Variants in RBFOX1 observed in about 807,000 individuals in gnomAD.
RBFOX1 encodes the protein RNA binding protein fox-1 homolog 1.
RBFOX1 carries 8 observed loss-of-function variants against 57.7 expected under a neutral mutation model. The ratio of observed to expected loss-of-function variants is 0.14; its 90% confidence interval spans 0.08 to 0.25. RBFOX1 has a LOEUF of 0.25. Among genes scored for constraint, RBFOX1 ranks in the 10% least tolerant of loss-of-function variants. The pLI, the probability that RBFOX1 is intolerant of heterozygous loss-of-function variation, is 1.00. For synonymous variants in RBFOX1, 326 were observed against 222.4 expected, an observed-to-expected ratio of 1.47 and a Z score of -4.15; for missense variants, 611 against 548.5, an observed-to-expected ratio of 1.11 and a Z score of -1.14.
rs574069095 is a variant in RBFOX1 at position 7,691,702 on chromosome 16, T to C, written c.995+14864T>C. 4.8e-4 allele frequency among the ~76,000 whole-genome samples: 73 copies of C among 152,286 alleles called. No individual in the cohort carries two copies. The East Asian group carries it at 0.011, about 23-fold the overall frequency. ...ATCTGTTTTTGTCTCCAAGTGGCTT[T>C]CCTGATGTCTAGCACATTGGACAGT... On this transcript the variant is annotated intron_variant, in intron 14 of 15. Coordinates refer to ENST00000550418, the MANE Select transcript of RBFOX1 (RefSeq NM_018723.4).
intron 3 of RBFOX1, among the ~76,000 whole-genome samples, chr16:7,005,306 T>G (rs1219510597): frequency 6.6e-6 from 1 of 152,182 alleles, no homozygotes; most frequent in Non-Finnish European, 1.5e-5. Flanking sequence ...GTCATCTTCC[T>G]CCCTTTCAAT....
Position 6,495,919 on chromosome 16 carries a change from C to G in RBFOX1, c.-63-158684C>G, listed in dbSNP as rs1190924833. ...ATTGTTTGGCTGCTTTACATTAATC[C>G]TTGAGCTTTTCGTTCCTCCAAAGGC... On this transcript the variant is annotated intron_variant, in intron 2 of 15. Coordinates refer to ENST00000550418, the MANE Select transcript of RBFOX1 (RefSeq NM_018723.4). Among the ~76,000 whole-genome samples, 4 of 152,184 alleles carry G rather than the reference C, an allele frequency of 2.6e-5. No homozygotes were observed. The East Asian group carries it at 7.7e-4, about 29-fold the overall frequency.
chr16:6,874,897 A>G (rs2061561796), intron 3 of RBFOX1, among the ~76,000 whole-genome samples: 1 of 152,200 alleles, frequency 6.6e-6, no homozygotes, highest in African/African-American at 2.4e-5. Flanking sequence ...CTGTTCCCAC[A>G]AAACTATTGA....
intron 1 of RBFOX1, among the ~76,000 whole-genome samples, chr16:5,328,726 C>T (rs2064658496): frequency 6.6e-6 from 1 of 152,200 alleles, no homozygotes; most frequent in South Asian, 2.1e-4. Context: ...TTAAGCCCAC[C>T]CCCTGGACAC....
intron 11 of RBFOX1, among the ~76,000 whole-genome samples, chr16:7,649,024 C>A (rs375582566): frequency 6.6e-6 from 1 of 152,070 alleles, no homozygotes; most frequent in Non-Finnish European, 1.5e-5. Flanking sequence ...GGTTCCTATC[C>A]AGACCCTAAG....
intron 2 of RBFOX1, among the ~76,000 whole-genome samples, chr16:6,392,028 C>A (rs1026942337): frequency 2.0e-5 from 3 of 152,096 alleles, no homozygotes; most frequent in Non-Finnish European, 4.4e-5. Flanking sequence ...AGCTCAGGTT[C>A]CTGGTCTATA....
chr16:5,600,287 A>C (rs1346992368), downstream of RBFOX1: 2 of 151,488 alleles, frequency 1.3e-5, no homozygotes, highest in African/African-American at 2.4e-5. Flanking sequence ...GACGAGAGCG[A>C]GACTCCGTCT....
At chr16:6,776,084 G>C (rs1244967108) in intron 3 of RBFOX1, 1 of 152,218 alleles carries the variant, frequency 6.6e-6, no homozygotes, top group African/African-American at 2.4e-5. Flanking sequence ...AGGAAATAAA[G>C]AAAGGGAGAG....
At chr16:5,822,502 G>A (rs1039243335) in intron 3 of RBFOX1, among the ~76,000 whole-genome samples, 2 of 150,384 alleles carry the variant, frequency 1.3e-5, no homozygotes, top group African/African-American at 4.9e-5. Context: ...ACTAATAATA[G>A]TAATAAATAA....
intron 4 of RBFOX1, among the ~76,000 whole-genome samples, chr16:6,001,612 A>G (rs1348818780): frequency 6.6e-6 from 1 of 152,246 alleles, no homozygotes; most frequent in East Asian, 1.9e-4. Context: ...AGACAAGATT[A>G]TTAACCTTAG....
intron 4 of RBFOX1, among the ~76,000 whole-genome samples, chr16:7,332,423 G>A (rs945991108): frequency 6.6e-5 from 10 of 152,152 alleles, no homozygotes; most frequent in Admixed American, 4.6e-4. Flanking sequence ...GAGAGAGAGC[G>A]GGAGGAAAAC....
chr16:7,461,001 G>T (rs1277194745), intron 4 of RBFOX1, among the ~76,000 whole-genome samples: 1 of 152,124 alleles, frequency 6.6e-6, no homozygotes, highest in Non-Finnish European at 1.5e-5. Context: ...CGACTCCCTT[G>T]AAGGACAAGG....
intron 3 of RBFOX1, among the ~76,000 whole-genome samples, chr16:5,786,015 C>G (rs554054944): frequency 5.9e-5 from 9 of 152,298 alleles, no homozygotes; most frequent in South Asian, 2.1e-4. Flanking sequence ...ACCACCAGAG[C>G]TTTCCTTTCA....
At chr16:6,617,443 C>G (rs1258989690) in intron 2 of RBFOX1, among the ~76,000 whole-genome samples, 3 of 151,922 alleles carry the variant, frequency 2.0e-5, no homozygotes, top group Non-Finnish European at 4.4e-5. Context: ...TAGTTTGGGT[C>G]TGACTCTCCA....
At chr16:6,045,341 T>A (rs554168466) in intron 1 of RBFOX1, among the ~76,000 whole-genome samples, 1 of 152,326 alleles carries the variant, frequency 6.6e-6, no homozygotes, top group Admixed American at 6.5e-5. Context: ...GTTTGGTGAT[T>A]TGAATCATGA....
At chr16:6,276,057 T>A (rs147281144) in intron 1 of RBFOX1, among the ~76,000 whole-genome samples, 292 of 152,336 alleles carry the variant, frequency 1.9e-3, no homozygotes, top group African/African-American at 6.6e-3. Flanking sequence ...TCTTCTCTCA[T>A]TGGAGGGGAT....
At chr16:6,795,557 C>A (rs1310683878) in intron 3 of RBFOX1, among the ~76,000 whole-genome samples, 2 of 151,942 alleles carry the variant, frequency 1.3e-5, no homozygotes, top group African/African-American at 4.8e-5. Context: ...CACGAGGTCA[C>A]AAGTTCAAGA....
At chr16:5,506,370 G>A (rs1391482684) in intron 2 of RBFOX1, among the ~76,000 whole-genome samples, 2 of 152,124 alleles carry the variant, frequency 1.3e-5, no homozygotes, top group East Asian at 3.9e-4. Flanking sequence ...CTCCCTCTCT[G>A]TCCTTCTCTG....
At chr16:6,701,910 G>T (rs2061912034) in intron 3 of RBFOX1, among the ~76,000 whole-genome samples, 1 of 152,060 alleles carries the variant, frequency 6.6e-6, no homozygotes, top group Non-Finnish European at 1.5e-5. Flanking sequence ...AGTACACACG[G>T]ACACAAAGGG....
Sources: gnomAD v4.1 joint callset for allele counts (sites outside exome capture counted in the v4.1 genomes callset) on GRCh38, gnomAD v4.1.1 for gene constraint, MANE v1.5 for transcripts, NCBI Gene and HGNC (gene_info 2026-07-23, HGNC 2026-07-21) for gene names.